NELL2: variants seen among roughly 807,000 people sequenced by gnomAD.
The protein encoded by NELL2 is neural EGFL like 2.
NELL2 carries 41 observed loss-of-function variants against 109.6 expected under a neutral mutation model. That is an observed-to-expected ratio of 0.37 (90% CI 0.29 to 0.49). The LOEUF (loss-of-function observed/expected upper bound fraction) is 0.49. Ranked by LOEUF, NELL2 falls within the 20% of genes least tolerant of loss-of-function variation. The probability of loss-of-function intolerance (pLI) is 0.98; values close to 1 mark genes in which losing one functional copy is unlikely to be tolerated. For synonymous variants in NELL2, 355 were observed against 344.7 expected (o/e 1.03, Z -0.33); for missense variants, 900 against 1,008.3 (o/e 0.89, Z 1.45).
chr12:44,552,782 C>CTCTT (rs1458260212), intron 15 of NELL2, among the ~76,000 whole-genome samples: 1 of 152,106 alleles, frequency 6.6e-6, no homozygotes, highest in Non-Finnish European at 1.5e-5. Context: ...ATAGCACTCT[C>CTCTT]TCTTTCAATG....
chr12:44,668,853 GCTGT>G lies in NELL2; in HGVS notation c.1319-3248_1319-3245del, dbSNP rs557883124. ...TAGTGCCACCATCAGTGTCACAAAT[GCTGT>G]CTAAGTGATCAAGGACCCACTCAGT... On this transcript the variant is annotated intron_variant, in intron 12 of 19. Transcript: ENST00000429094. 2.2e-4 allele frequency among the ~76,000 whole-genome samples: 34 copies of G among 152,174 alleles called. No individual in the cohort carries two copies. The South Asian group carries it at 6.7e-3, about 30-fold the overall frequency.
chr12:44,786,929 G>T (rs543804522), intron 3 of NELL2, among the ~76,000 whole-genome samples: 1 of 152,058 alleles, frequency 6.6e-6, no homozygotes, highest in East Asian at 1.9e-4. Flanking sequence ...AATGCATGCG[G>T]GGCTTAAAAC....
At chr12:44,561,848 G>C (rs1457150420) in intron 15 of NELL2, among the ~76,000 whole-genome samples, 1 of 152,160 alleles carries the variant, frequency 6.6e-6, no homozygotes, top group Non-Finnish European at 1.5e-5. Context: ...CCAAAAAAGA[G>C]TCTGTATAGC....
chr12:44,633,925 AC>A (rs1284509849), intron 13 of NELL2, among the ~76,000 whole-genome samples: 3 of 152,088 alleles, frequency 2.0e-5, no homozygotes, highest in Admixed American at 2.0e-4. Context: ...AAAATTCTTT[AC>A]CCTAAGAGAG....
At chr12:44,688,574 G>C (rs562648673) in intron 12 of NELL2, among the ~76,000 whole-genome samples, 1 of 152,088 alleles carries the variant, frequency 6.6e-6, no homozygotes, top group African/African-American at 2.4e-5. Context: ...AACAATTTTC[G>C]CAAGTTCCCA....
At chr12:44,791,958 C>CA (rs35671413) in intron 3 of NELL2, among the ~76,000 whole-genome samples, 116 of 145,466 alleles carry the variant, frequency 8.0e-4, no homozygotes, top group South Asian at 4.2e-3. Context: ...TTATTACAGA[C>CA]AAAAAAAAAA....
intron 19 of NELL2, among the ~76,000 whole-genome samples, chr12:44,515,148 A>T (rs925673478): frequency 6.6e-6 from 1 of 151,858 alleles, no homozygotes; most frequent in South Asian, 2.1e-4. Flanking sequence ...CAGTGTCACA[A>T]ATTACATTAA....
chr12:44,700,470 C>T (rs182200935), intron 12 of NELL2, among the ~76,000 whole-genome samples: 1 of 152,254 alleles, frequency 6.6e-6, no homozygotes, highest in Admixed American at 6.6e-5. Context: ...CACTGGGCAC[C>T]TCTCCTGTGC....
chr12:44,656,677 G>A (rs1299770530), intron 13 of NELL2, among the ~76,000 whole-genome samples: 7 of 152,210 alleles, frequency 4.6e-5, no homozygotes, highest in East Asian at 3.9e-4. Flanking sequence ...CTTTGTCATC[G>A]TCCTTCTCAA....
intron 9 of NELL2, among the ~76,000 whole-genome samples, chr12:44,721,135 A>G (rs1938747863): frequency 6.6e-6 from 1 of 152,258 alleles, no homozygotes; most frequent in Non-Finnish European, 1.5e-5. Context: ...AGCACACGCT[A>G]TTGCTGTAAG....
intron 12 of NELL2, among the ~76,000 whole-genome samples, chr12:44,671,740 C>A (rs970717328): frequency 6.6e-6 from 1 of 152,112 alleles, no homozygotes; most frequent in African/African-American, 2.4e-5. Context: ...CTGAACAGAT[C>A]AATAGCAAGT....
At chr12:44,789,914 C>T (rs1007393732) in intron 3 of NELL2, among the ~76,000 whole-genome samples, 6 of 151,898 alleles carry the variant, frequency 4.0e-5, no homozygotes, top group African/African-American at 1.5e-4. Context: ...TAACCCAATC[C>T]AACAAAGACA....
intron 9 of NELL2, among the ~76,000 whole-genome samples, chr12:44,734,871 C>T (rs1268344072): frequency 6.6e-6 from 1 of 151,846 alleles, no homozygotes; most frequent in Non-Finnish European, 1.5e-5. Flanking sequence ...CAGCTTTTTA[C>T]TTTTTAGAAA....
At chr12:44,633,974 A>T (rs771331887) in intron 13 of NELL2, among the ~76,000 whole-genome samples, 3 of 152,140 alleles carry the variant, frequency 2.0e-5, no homozygotes, top group Non-Finnish European at 4.4e-5. Context: ...CCAGCTGAAA[A>T]GCTCTATCGT....
chr12:44,818,120 G>C (rs1184922992), intron 2 of NELL2, among the ~76,000 whole-genome samples: 2 of 152,156 alleles, frequency 1.3e-5, no homozygotes, highest in African/African-American at 2.4e-5. Flanking sequence ...TTTCTCTCCA[G>C]GCTCTATTAC....
intron 9 of NELL2, among the ~76,000 whole-genome samples, chr12:44,771,895 G>A (rs1320626876): frequency 6.6e-6 from 1 of 152,220 alleles, no homozygotes; most frequent in Non-Finnish European, 1.5e-5. Flanking sequence ...TAAAGGAAGA[G>A]CACCAAAAAG....
chr12:44,577,606 T>A (rs1041278709), intron 15 of NELL2, among the ~76,000 whole-genome samples: 1 of 151,034 alleles, frequency 6.6e-6, no homozygotes, highest in Non-Finnish European at 1.5e-5. Flanking sequence ...GCCTCCCGAG[T>A]AGCTGGGAAT....
In NELL2 at chr12:44,827,155, A is replaced by T. The variant is rs181312660; in HGVS notation, c.185-11019T>A. ...AACCCACAATTTTGTAACTTTTTTT[A>T]AAAAAATTATGTGGATCCAAGGTAG... On this transcript the variant is annotated intron_variant, in intron 2 of 19. Transcript: ENST00000429094. Among the ~76,000 whole-genome samples the T allele has an allele frequency of 4.9e-3, 742 of 152,156 alleles. 6 individuals are homozygous for T. The highest frequency in any genetic ancestry group is 0.017 in the African/African-American group (696 of 41,508).
intron 9 of NELL2, among the ~76,000 whole-genome samples, chr12:44,771,346 TA>T (rs80288426): frequency 2.2e-4 from 31 of 143,946 alleles, no homozygotes; most frequent in Middle Eastern, 3.6e-3. Flanking sequence ...ATGGTTTTTT[TA>T]AAAAAAAAAA....
Sources: allele counts gnomAD v4.1 joint callset (sites outside exome capture counted in the v4.1 genomes callset), GRCh38; gene constraint gnomAD v4.1.1; transcripts MANE v1.5; gene names NCBI Gene and HGNC (gene_info 2026-07-23, HGNC 2026-07-21).